Variants in CCDC102B observed in about 807,000 individuals in gnomAD.
CCDC102B encodes the protein coiled-coil domain containing 102B.
CCDC102B carries 75 observed loss-of-function variants against 57.4 expected under a neutral mutation model. The observed-to-expected ratio is 1.31, with a 90% confidence interval of 1.08 to 1.58. CCDC102B has a LOEUF of 1.58. Among genes scored for constraint, CCDC102B ranks in the 40% most tolerant of loss-of-function variants. CCDC102B has a pLI of 0.00. For missense variants in CCDC102B, 636 were observed against 582.6 expected (o/e 1.09, Z -0.94); for synonymous variants, 206 against 201.9 (o/e 1.02, Z -0.17).
intron 1 of CCDC102B, among the ~76,000 whole-genome samples, chr18:68,821,349 G>A (rs1200507083): frequency 1.3e-5 from 2 of 151,264 alleles, no homozygotes; most frequent in African/African-American, 2.4e-5. Context: ...TTTCCAGGAT[G>A]CTATATTTTA....
rs116351887 is a variant in CCDC102B at position 68,921,090 on chromosome 18, G to C, written c.1263+23662G>C. ...ACCTTCACCTACTTAGTTATGAACA[G>C]GACTAGCTACTTCAGAGGTGCCCTC... On this transcript the variant is annotated intron_variant, in intron 6 of 7. Transcript: ENST00000360242. Among the ~76,000 whole-genome samples the C allele has an allele frequency of 4.4e-3, 676 of 152,254 alleles. 8 individuals are homozygous for C. The highest frequency in any genetic ancestry group is 0.015 in the African/African-American group (604 of 41,544).
intron 6 of CCDC102B, among the ~76,000 whole-genome samples, chr18:68,926,580 G>C (rs4566274): frequency 6.6e-6 from 1 of 151,814 alleles, no homozygotes; most frequent in Non-Finnish European, 1.5e-5. Context: ...TTGAAGTTAA[G>C]GGATGTCTGA....
intron 1 of CCDC102B, among the ~76,000 whole-genome samples, chr18:68,830,246 C>A (rs908202568): frequency 2.0e-5 from 3 of 151,888 alleles, no homozygotes; most frequent in African/African-American, 7.2e-5. Flanking sequence ...AGTGGTAGAA[C>A]CTTTAACAAT....
chr18:68,955,033 C>T (rs1459532450), intron 6 of CCDC102B, among the ~76,000 whole-genome samples: 2 of 152,098 alleles, frequency 1.3e-5, no homozygotes, highest in Non-Finnish European at 2.9e-5. Context: ...TACTATCACA[C>T]CTCTATTTTG....
chr18:68,989,802 G>C (rs1264176365), intron 6 of CCDC102B, among the ~76,000 whole-genome samples: 2 of 152,180 alleles, frequency 1.3e-5, no homozygotes, highest in Admixed American at 6.5e-5. Context: ...CTCGTCATTA[G>C]AGGTACAGGC....
At chr18:69,000,786 T>A (rs999579819) in intron 6 of CCDC102B, among the ~76,000 whole-genome samples, 2 of 152,232 alleles carry the variant, frequency 1.3e-5, no homozygotes, top group African/African-American at 4.8e-5. Flanking sequence ...GCGTCAAATT[T>A]GGAAATTTGA....
intron 6 of CCDC102B, among the ~76,000 whole-genome samples, chr18:68,959,341 TC>T (rs1029943251): frequency 3.3e-5 from 5 of 152,110 alleles, no homozygotes; most frequent in African/African-American, 7.2e-5. Context: ...CTTGTTCTCT[TC>T]CCTTACTTCC....
intron 2 of CCDC102B, among the ~76,000 whole-genome samples, chr18:68,732,579 T>G (rs921420329): frequency 2.6e-5 from 4 of 152,086 alleles, no homozygotes; most frequent in African/African-American, 9.7e-5. Flanking sequence ...ACTCCTGACC[T>G]CAGGCGATCT....
intron 2 of CCDC102B, among the ~76,000 whole-genome samples, chr18:68,766,958 T>C (rs887705833): frequency 2.6e-5 from 4 of 152,040 alleles, no homozygotes; most frequent in African/African-American, 7.2e-5. Flanking sequence ...AATGCTGTTT[T>C]TCCCCATTTC....
chr18:68,996,404 T>C (rs1427282853), intron 6 of CCDC102B, among the ~76,000 whole-genome samples: 1 of 152,208 alleles, frequency 6.6e-6, no homozygotes, highest in Non-Finnish European at 1.5e-5. Flanking sequence ...TTTGAGGTTT[T>C]GAGACTTGGA....
intron 5 of CCDC102B, among the ~76,000 whole-genome samples, chr18:68,889,197 G>A (rs2039989793): frequency 6.6e-6 from 1 of 152,222 alleles, no homozygotes; most frequent in African/African-American, 2.4e-5. Flanking sequence ...TAGAAGGTGG[G>A]ATGTTTGGAA....
intron 2 of CCDC102B, among the ~76,000 whole-genome samples, chr18:68,757,247 A>G (rs1236684814): frequency 6.6e-6 from 1 of 152,148 alleles, no homozygotes. Context: ...CATGAAGAAA[A>G]TGGCCTTTTT....
At chr18:68,879,193 T>G (rs1325570326) in intron 5 of CCDC102B, among the ~76,000 whole-genome samples, 1 of 151,176 alleles carries the variant, frequency 6.6e-6, no homozygotes, top group Non-Finnish European at 1.5e-5. Flanking sequence ...TAAGGCAGCA[T>G]GTCTGGAGTT....
At chr18:69,012,209 G>C (rs1268266562) in intron 7 of CCDC102B, among the ~76,000 whole-genome samples, 1 of 151,986 alleles carries the variant, frequency 6.6e-6, no homozygotes, top group Admixed American at 6.6e-5. Flanking sequence ...TGTGATTTTA[G>C]GTTTTTTATT....
At chr18:68,958,957 C>A (rs1044315245) in intron 6 of CCDC102B, among the ~76,000 whole-genome samples, 1 of 152,104 alleles carries the variant, frequency 6.6e-6, no homozygotes, top group Admixed American at 6.6e-5. Context: ...ATTTTGAATT[C>A]TCTTTCCAAG....
intron 6 of CCDC102B, among the ~76,000 whole-genome samples, chr18:68,961,513 C>A (rs12456574): frequency 0.14 from 21,250 of 151,632 alleles, 1,615 homozygotes; most frequent in African/African-American, 0.19. Flanking sequence ...TATTCATATG[C>A]AAATTACTAA....
intron 7 of CCDC102B, among the ~76,000 whole-genome samples, chr18:69,041,800 T>G (rs2052442136): frequency 6.6e-6 from 1 of 152,092 alleles, no homozygotes; most frequent in Admixed American, 6.6e-5. Context: ...TTTTGCTAGC[T>G]TTGGGGTTGG....
chr18:68,930,386 T>G (rs1488148414), intron 6 of CCDC102B, among the ~76,000 whole-genome samples: 1 of 151,746 alleles, frequency 6.6e-6, no homozygotes, highest in African/African-American at 2.4e-5. Context: ...CTCAATGACT[T>G]AATACTTTAA....
rs539799993 is a variant in CCDC102B, at chr18:68,843,952, A to T, written c.828-2361A>T. 5.1e-5 allele frequency among the ~76,000 whole-genome samples: 7 copies of T among 137,226 alleles called. No homozygotes were observed. In the East Asian group the frequency reaches 6.0e-4, roughly 12 times the overall value. 90.0% of individuals were successfully genotyped at this position (137,226 alleles called of 152,430 possible). A position where few individuals can be genotyped will look rare whatever the true frequency, so the allele number is the denominator to read the frequency against. On this transcript the variant is annotated intron_variant, in intron 3 of 7. Transcript: ENST00000360242. ...GCTGGCAGAGACACAAAAGTTTATG[A>T]TGGGGCTATCTAAATACTAAAAAAA... is the stretch of plus-strand genomic sequence containing the variant.
Sources: gnomAD v4.1 joint callset for allele counts (sites outside exome capture counted in the v4.1 genomes callset) on GRCh38, gnomAD v4.1.1 for gene constraint, MANE v1.5 for transcripts, NCBI Gene and HGNC (gene_info 2026-07-23, HGNC 2026-07-21) for gene names.